MYO9A: variants seen among roughly 807,000 people sequenced by gnomAD.
The protein encoded by MYO9A is unconventional myosin-IXa.
Under a neutral mutation model 293.3 loss-of-function variants are expected in MYO9A, and 103 were observed. The observed-to-expected ratio is 0.35, with a 90% CI of 0.30 to 0.41. The LOEUF is 0.41. Ranked by LOEUF, MYO9A falls within the 10% of genes least tolerant of loss-of-function variation. The probability of loss-of-function intolerance (pLI) is 1.00; values close to 1 mark genes in which losing one functional copy is unlikely to be tolerated. For synonymous variants in MYO9A, 1,001 were observed against 1,035.7 expected, an observed-to-expected ratio of 0.97 and a Z score of 0.64; for missense variants, 2,685 against 3,033.0, an observed-to-expected ratio of 0.89 and a Z score of 2.69.
chr15:71,994,298 G>A (rs2076633120), intron 10 of MYO9A, among the ~76,000 whole-genome samples, 171 bp downstream of exon 10: 1 of 151,808 alleles, frequency 6.6e-6, no homozygotes, highest in Non-Finnish European at 1.5e-5. Flanking sequence ...TAATAAAAAA[G>A]GTCTGGAAAG....
chr15:71,998,194 T>C (rs189463753), intron 9 of MYO9A, among the ~76,000 whole-genome samples: 1 of 152,262 alleles, frequency 6.6e-6, no homozygotes, highest in African/African-American at 2.4e-5. Context: ...CTGGAGACCA[T>C]TATCCATTGC....
chr15:71,947,732 G>T (rs1053203257), intron 15 of MYO9A, among the ~76,000 whole-genome samples: 2 of 152,168 alleles, frequency 1.3e-5, no homozygotes, highest in African/African-American at 2.4e-5. Context: ...AATTTAGGTG[G>T]AGTAAGCCCT....
Position 71,975,390 on chromosome 15 carries a change from C to CGTGTGTGTGTGTGTGT in MYO9A, c.1844+2765_1844+2780dup, listed in dbSNP as rs57800508. Among the ~76,000 whole-genome samples the CGTGTGTGTGTGTGTGT allele has an allele frequency of 3.9e-3, 334 of 86,684 alleles. 46 individuals carry two copies. Among genetic ancestry groups the CGTGTGTGTGTGTGTGT allele is most frequent in the Middle Eastern group, 0.013 (2 of 156 alleles). 56.9% of individuals were successfully genotyped at this position (86,684 alleles called of 152,430 possible). ...CCTTTGGCCTATGACGTGATTTTAT[C>CGTGTGTGTGTGTGTGT]GTGTGTGTGTGTGTGTGTGTGTGTG... On this transcript the variant is annotated intron_variant, in intron 12 of 41. Transcript: ENST00000356056.
chr15:71,875,220 A>G (rs2056647738), intron 32 of MYO9A, among the ~76,000 whole-genome samples: 2 of 152,092 alleles, frequency 1.3e-5, no homozygotes, highest in South Asian at 4.1e-4. Flanking sequence ...TGATAACATC[A>G]TATATTGGAT....
At position 71,897,774 on chromosome 15, in the gene MYO9A, G is replaced by C. The variant is rs2057372744; in HGVS notation, c.4729C>G (p.Leu1577Val). Reference sequence around the variant, plus strand: ...GCAAGAGCTGCATCTTTTAATGATAGGGACCCCAGTACATTAAGTTCTCCC... The same window carrying C: ...GCAAGAGCTGCATCTTTTAATGATACGGACCCCAGTACATTAAGTTCTCCC... ...NKGELNVLGS[L>V]SLKDAALAQK... Residue 1577 changes from leucine (L) to valine (V), a missense_variant, in exon 25 of 42, where the codon CTA (leucine) becomes GTA (valine). Transcript: ENST00000356056. 2.5e-6 allele frequency: 4 copies of C among 1,613,930 alleles called. No homozygotes were observed. Among genetic ancestry groups the C allele is most frequent in the African/African-American group, 1.3e-5 (1 of 74,896 alleles).
At chr15:72,018,748 A>T (rs1267194073) in intron 6 of MYO9A, among the ~76,000 whole-genome samples, 1 of 152,238 alleles carries the variant, frequency 6.6e-6, no homozygotes, top group Non-Finnish European at 1.5e-5. Context: ...CACAGCAATG[A>T]TGAAGAATCA....
At chr15:71,948,345 C>G (rs1415611439) in intron 15 of MYO9A, among the ~76,000 whole-genome samples, 2 of 152,168 alleles carry the variant, frequency 1.3e-5, no homozygotes, top group South Asian at 4.1e-4. Context: ...TATCAGCAAA[C>G]TAGAGTCCAT....
chr15:71,936,010 C>A (rs2058633929), intron 16 of MYO9A, among the ~76,000 whole-genome samples: 1 of 151,860 alleles, frequency 6.6e-6, no homozygotes, highest in South Asian at 2.1e-4. Flanking sequence ...AAACATAACA[C>A]TATCACAGTG....
At chr15:72,035,457 G>A (rs79917087) in intron 2 of MYO9A, among the ~76,000 whole-genome samples, 3,252 of 152,218 alleles carry the variant, frequency 0.021, 108 homozygotes, top group African/African-American at 0.075. Flanking sequence ...AACAACTGCC[G>A]TATTTTAACA....
intron 1 of MYO9A, among the ~76,000 whole-genome samples, chr15:72,115,599 C>A (rs1367092821): frequency 6.6e-6 from 1 of 152,194 alleles, no homozygotes; most frequent in South Asian, 2.1e-4. Context: ...ATATTCCTGG[C>A]CTTTAGTCTT....
At chr15:72,080,711 G>C (rs1282789840) in intron 1 of MYO9A, among the ~76,000 whole-genome samples, 2 of 151,924 alleles carry the variant, frequency 1.3e-5, no homozygotes, top group Non-Finnish European at 2.9e-5. Context: ...TCATCACCCA[G>C]GTATTAAGCC....
intron 39 of MYO9A, among the ~76,000 whole-genome samples, chr15:71,840,720 C>G (rs752581621): frequency 1.3e-5 from 2 of 152,142 alleles, no homozygotes; most frequent in South Asian, 4.1e-4. Flanking sequence ...AGCTCTGCCT[C>G]TGGGGTTCAC....
chr15:71,886,123 G>A (rs993321067), intron 27 of MYO9A, among the ~76,000 whole-genome samples: 8 of 149,202 alleles, frequency 5.4e-5, no homozygotes, highest in East Asian at 2.0e-4. Context: ...GTTAATTTTG[G>A]TTTCTTCAAT....
chr15:72,102,499 TAA>T (rs55804686), intron 1 of MYO9A, among the ~76,000 whole-genome samples: 132 of 114,436 alleles, frequency 1.2e-3, no homozygotes, highest in Middle Eastern at 8.2e-3. Flanking sequence ...TAAATAAATT[TAA>T]AAAAAAAAAA....
chr15:72,094,890 G>A (rs1336991719), intron 1 of MYO9A, among the ~76,000 whole-genome samples: 1 of 91,162 alleles, frequency 1.1e-5, no homozygotes, highest in East Asian at 2.3e-4. Flanking sequence ...ATTGTTCTGA[G>A]GCACCAAAAA....
At chr15:71,960,768 G>A (rs2147005872) in intron 13 of MYO9A, among the ~76,000 whole-genome samples, 1 of 152,220 alleles carries the variant, frequency 6.6e-6, no homozygotes, top group East Asian at 1.9e-4. Context: ...TCTGGTCAGG[G>A]ACAGCCTCTC....
intron 1 of MYO9A, among the ~76,000 whole-genome samples, chr15:72,048,932 C>G (rs913859922): frequency 6.6e-6 from 1 of 152,048 alleles, no homozygotes; most frequent in Non-Finnish European, 1.5e-5. Context: ...TTTTTTCCGC[C>G]GATTTACATT....
At chr15:72,061,366 T>TA (rs1034195853) in intron 1 of MYO9A, among the ~76,000 whole-genome samples, 18 of 151,948 alleles carry the variant, frequency 1.2e-4, no homozygotes, top group Admixed American at 9.8e-4. Flanking sequence ...TACAGTAAAA[T>TA]AAAGTACTAA....
chr15:71,852,300 T>G, intron 35 of MYO9A, 40 bp from the exon 36 acceptor site: 4 of 1,552,624 alleles, frequency 2.6e-6, no homozygotes, highest in Middle Eastern at 1.7e-4. Flanking sequence ...AGCCAAAACA[T>G]GCAAAGAGAT....
Sources: allele counts gnomAD v4.1 joint callset (sites outside exome capture counted in the v4.1 genomes callset), GRCh38; gene constraint gnomAD v4.1.1; transcripts MANE v1.5; gene names NCBI Gene and HGNC (gene_info 2026-07-23, HGNC 2026-07-21).